ASTN2: variants seen among roughly 807,000 people sequenced by gnomAD.
ASTN2 encodes astrotactin-2.
Under a neutral mutation model 139.8 loss-of-function variants are expected in ASTN2, and 54 were observed. The ratio of observed to expected loss-of-function variants is 0.39; its 90% CI spans 0.31 to 0.48. The LOEUF is 0.48. Ranked by LOEUF, ASTN2 falls within the 20% of genes least tolerant of loss-of-function variation. The probability of loss-of-function intolerance (pLI) is 0.95; values close to 1 mark genes in which losing one functional copy is unlikely to be tolerated. For missense variants in ASTN2, 1,565 were observed against 1,725.1 expected, an observed-to-expected ratio of 0.91 and a Z score of 1.64; for synonymous variants, 756 against 719.5, an observed-to-expected ratio of 1.05 and a Z score of -0.81.
intron 1 of ASTN2, among the ~76,000 whole-genome samples, chr9:117,305,753 A>G (rs1834983622): frequency 6.6e-6 from 1 of 152,240 alleles, no homozygotes; most frequent in African/African-American, 2.4e-5. Context: ...ACTCTGTGCG[A>G]GTCTCTGTTC....
intron 19 of ASTN2, among the ~76,000 whole-genome samples, chr9:116,574,583 G>A (rs577683683): frequency 6.6e-6 from 1 of 152,348 alleles, no homozygotes; most frequent in Admixed American, 6.5e-5. Context: ...GTGAACATGT[G>A]CCTGGATTTA....
chr9:116,557,223 CAAAAAAAAAA>C (rs60756690), intron 19 of ASTN2, among the ~76,000 whole-genome samples: 5 of 53,594 alleles, frequency 9.3e-5, no homozygotes, highest in African/African-American at 3.7e-4. Context: ...GACTCTGTCT[CAAAAAAAAAA>C]AAAAAAAAAA....
At chr9:116,608,257 G>A (rs954121947) in intron 19 of ASTN2, among the ~76,000 whole-genome samples, 1 of 152,158 alleles carries the variant, frequency 6.6e-6, no homozygotes, top group African/African-American at 2.4e-5. Flanking sequence ...AGGAGTTCCT[G>A]TCAACATTCA....
intron 3 of ASTN2, among the ~76,000 whole-genome samples, chr9:117,161,114 A>C (rs1830540929): frequency 6.6e-6 from 1 of 152,082 alleles, no homozygotes; most frequent in Non-Finnish European, 1.5e-5. Flanking sequence ...AGAATATCTC[A>C]AGTCTCTGAG....
chr9:117,141,444 G>A lies in ASTN2; in HGVS notation c.1050C>T (p.Ser350=), dbSNP rs140344311. 71 of 1,367,248 alleles carry A rather than the reference G, an allele frequency of 5.2e-5. No individual in the cohort carries two copies. In the African/African-American group the frequency reaches 9.5e-4, roughly 18 times the overall value. 84.7% of individuals were successfully genotyped at this position (1,367,248 alleles called of 1,614,324 possible). Residue 350 remains serine, a synonymous_variant, in exon 4 of 23, where the codon TCC becomes TCT. Coordinates refer to ENST00000313400, the MANE Select transcript of ASTN2 (RefSeq NM_001365068.1). ...AACTCTCCTTGAACTTCTGCATCAG[G>A]GACTCCACTGTCTCCTGAGTCGCCT... ...AAEATQETVE[S]LMQKFKESFR... is the part of the protein sequence containing the mutation.
At chr9:117,173,986 A>AC (rs199923220) in intron 3 of ASTN2, among the ~76,000 whole-genome samples, 275 of 151,608 alleles carry the variant, frequency 1.8e-3, no homozygotes, top group African/African-American at 6.3e-3. Flanking sequence ...AGAACAAAAA[A>AC]AACACTAATA....
At chr9:117,030,389 A>C (rs1838213045) in intron 6 of ASTN2, among the ~76,000 whole-genome samples, 1 of 152,216 alleles carries the variant, frequency 6.6e-6, no homozygotes, top group Non-Finnish European at 1.5e-5. Flanking sequence ...CCTCTGCCCC[A>C]GTTCCTGGGA....
At chr9:117,088,912 A>G (rs1416850563) in intron 5 of ASTN2, among the ~76,000 whole-genome samples, 2 of 152,144 alleles carry the variant, frequency 1.3e-5, no homozygotes, top group African/African-American at 4.8e-5. Context: ...CAGCTATAAC[A>G]GCTCCGTCTC....
At chr9:116,992,424 CATTA>C (rs1027548999) in intron 7 of ASTN2, among the ~76,000 whole-genome samples, 6 of 152,078 alleles carry the variant, frequency 3.9e-5, no homozygotes, top group African/African-American at 1.4e-4. Context: ...AGGCAAGGGT[CATTA>C]ATTAATATTT....
chr9:117,051,476 T>C (rs1299776349), intron 5 of ASTN2, among the ~76,000 whole-genome samples: 1 of 152,168 alleles, frequency 6.6e-6, no homozygotes, highest in African/African-American at 2.4e-5. Flanking sequence ...CTCTCTTCCC[T>C]GGTAGCAATC....
intron 2 of ASTN2, among the ~76,000 whole-genome samples, chr9:117,249,506 T>C (rs1588132333): frequency 1.3e-5 from 2 of 152,242 alleles, no homozygotes. Flanking sequence ...GAACCCTTTG[T>C]TCAAATGAAA....
At chr9:116,779,144 C>A (rs180683261) in intron 13 of ASTN2, among the ~76,000 whole-genome samples, 145 of 152,278 alleles carry the variant, frequency 9.5e-4, no homozygotes, top group African/African-American at 3.2e-3. Flanking sequence ...CTGTTATGGT[C>A]TGTCCCCAAA....
intron 13 of ASTN2, among the ~76,000 whole-genome samples, chr9:116,774,696 T>A (rs576615758): frequency 1.5e-4 from 23 of 151,876 alleles, no homozygotes; most frequent in African/African-American, 5.6e-4. Flanking sequence ...GGAACAGGAA[T>A]AATAATCCAG....
At chr9:116,711,981 C>A (rs1246073191) in intron 16 of ASTN2, among the ~76,000 whole-genome samples, 2 of 152,172 alleles carry the variant, frequency 1.3e-5, no homozygotes, top group Non-Finnish European at 2.9e-5. Context: ...AATGCAAATG[C>A]TAATGATAAT....
intron 13 of ASTN2, among the ~76,000 whole-genome samples, chr9:116,750,202 A>G (rs1829359918): frequency 6.6e-6 from 1 of 152,220 alleles, no homozygotes; most frequent in Non-Finnish European, 1.5e-5. Context: ...CAAAAGATAG[A>G]AAATAATCAA....
At chr9:116,986,934 G>C (rs933124708) in intron 7 of ASTN2, among the ~76,000 whole-genome samples, 4 of 152,214 alleles carry the variant, frequency 2.6e-5, no homozygotes, top group African/African-American at 9.6e-5. Context: ...GATCAGTGGG[G>C]AATACTGCAG....
intron 10 of ASTN2, among the ~76,000 whole-genome samples, chr9:116,950,176 C>T (rs1425891516): frequency 1.3e-5 from 2 of 152,110 alleles, no homozygotes; most frequent in Non-Finnish European, 2.9e-5. Flanking sequence ...TTGTTCTGTG[C>T]CTTGTAGGAT....
chr9:116,805,560 A>T (rs1235680297), intron 13 of ASTN2, 72 bp downstream of exon 13: 1 of 1,458,060 alleles, frequency 6.9e-7, no homozygotes, highest in Non-Finnish European at 9.5e-7. Flanking sequence ...CATTGTGCCC[A>T]TGGCTTCCTC....
At chr9:117,161,791 A>G (rs1389344959) in intron 3 of ASTN2, among the ~76,000 whole-genome samples, 1 of 152,052 alleles carries the variant, frequency 6.6e-6, no homozygotes, top group Non-Finnish European at 1.5e-5. Flanking sequence ...AAAGCAAGAA[A>G]ATCTACAGAG....
Sources: gnomAD v4.1 joint callset for allele counts (sites outside exome capture counted in the v4.1 genomes callset) on GRCh38, gnomAD v4.1.1 for gene constraint, MANE v1.5 for transcripts, NCBI Gene and HGNC (gene_info 2026-07-23, HGNC 2026-07-21) for gene names.